Variants in DENND2B observed in about 807,000 individuals in gnomAD.
DENND2B encodes the protein DENN domain-containing protein 2B.
A neutral mutation model predicts 116.0 loss-of-function variants in DENND2B; 32 were observed. The observed-to-expected ratio is 0.28, with a 90% CI of 0.21 to 0.37. The LOEUF is 0.37. DENND2B is among the 10% of genes least tolerant of loss of function. DENND2B has a pLI of 1.00. For missense variants in DENND2B, 1,276 were observed against 1,477.7 expected (o/e 0.86, Z 2.24); for synonymous variants, 588 against 583.9 (o/e 1.01, Z -0.10).
chr11:8,715,150 G>A (rs1565691011), intron 6 of DENND2B, among the ~76,000 whole-genome samples: 1 of 152,214 alleles, frequency 6.6e-6, no homozygotes, highest in Non-Finnish European at 1.5e-5. Flanking sequence ...AGCATTGTTT[G>A]CAGGTTAAAA....
At chr11:8,865,632 C>A (rs1162606119) in intron 2 of DENND2B, among the ~76,000 whole-genome samples, 2 of 151,280 alleles carry the variant, frequency 1.3e-5, no homozygotes, top group Non-Finnish European at 2.9e-5. Context: ...TGAAGAGGGA[C>A]AGGAAAACAG....
chr11:8,725,822 G>T (rs1409217172), intron 4 of DENND2B, among the ~76,000 whole-genome samples: 3 of 152,192 alleles, frequency 2.0e-5, no homozygotes, highest in African/African-American at 7.2e-5. Flanking sequence ...GGAAAGGAAT[G>T]ATGTTGTTTT....
chr11:8,774,141 T>TAGAA (rs1314083259), intron 1 of DENND2B: 2 of 985,366 alleles, frequency 2.0e-6, no homozygotes, highest in Non-Finnish European at 2.4e-6. Context: ...AAGTGCTTTC[T>TAGAA]TTCTGGGCAG....
At chr11:8,896,539 T>C (rs2064104110) in intron 1 of DENND2B, among the ~76,000 whole-genome samples, 1 of 152,206 alleles carries the variant, frequency 6.6e-6, no homozygotes, top group Non-Finnish European at 1.5e-5. Context: ...AAAGCCGCAA[T>C]AAAACTGTAC....
Position 8,702,679 on chromosome 11 carries a change from G to C in DENND2B, c.2613C>G (p.His871Gln). ...LRRPMDSRLE[H>Q]VDFECLFTCL... is the part of the protein sequence containing the mutation. ...AGGTAAAAAGGCACTCAAAGTCCAC[G>C]TGCTCCAGCCTTGAGTCCATGGGCC... is the stretch of plus-strand genomic sequence containing the variant. The change falls in exon 14 of 20, where the codon CAC (histidine) becomes CAG (glutamine). Residue 871 changes from histidine (H) to glutamine (Q), a missense_variant. Coordinates refer to ENST00000313726, the MANE Select transcript of DENND2B (RefSeq NM_213618.2). The surrounding 1 kb of genome is among the most constrained non-coding windows in gnomAD (Gnocchi z 4.6). 1 of 1,613,930 alleles carries C rather than the reference G, an allele frequency of 6.2e-7. No individual in the cohort carries two copies. Among genetic ancestry groups the C allele is most frequent in the Non-Finnish European group, 8.5e-7 (1 of 1,180,024 alleles).
At chr11:8,748,232 A>G (rs1307985433) in intron 2 of DENND2B, among the ~76,000 whole-genome samples, 4 of 152,182 alleles carry the variant, frequency 2.6e-5, no homozygotes, top group African/African-American at 9.7e-5. Context: ...TGTGCTGGCA[A>G]TGATAAAAGG....
At chr11:8,754,912 T>C (rs1256986906) in intron 1 of DENND2B, among the ~76,000 whole-genome samples, 1 of 152,204 alleles carries the variant, frequency 6.6e-6, no homozygotes, top group Non-Finnish European at 1.5e-5. Context: ...GGGTTTCTTT[T>C]TGGGGTGACA....
chr11:8,859,463 G>A (rs886797049), intron 2 of DENND2B, among the ~76,000 whole-genome samples: 23 of 151,330 alleles, frequency 1.5e-4, no homozygotes, highest in Admixed American at 5.9e-4. Context: ...GCCCGCCATC[G>A]CGCCCGGCTA....
chr11:8,798,962 G>A (rs1181781501), intron 1 of DENND2B, among the ~76,000 whole-genome samples: 2 of 151,854 alleles, frequency 1.3e-5, no homozygotes, highest in Admixed American at 1.3e-4. Flanking sequence ...CAAGTAGCTG[G>A]GATTACAGGC....
intron 3 of DENND2B, among the ~76,000 whole-genome samples, chr11:8,841,377 G>A (rs1394121954): frequency 4.6e-5 from 7 of 152,098 alleles, no homozygotes; most frequent in African/African-American, 1.2e-4. Context: ...GGTGCCTCAC[G>A]CCTGTAATCC....
chr11:8,710,810 G>GC, intron 11 of DENND2B, 35 bp downstream of exon 11: 1 of 1,580,510 alleles, frequency 6.3e-7, no homozygotes, highest in Non-Finnish European at 8.7e-7. Context: ...CCTATCCCCT[G>GC]CCTGCTGGCC....
chr11:8,868,205 A>G (rs151291427), intron 2 of DENND2B, among the ~76,000 whole-genome samples: 1 of 152,334 alleles, frequency 6.6e-6, no homozygotes, highest in Non-Finnish European at 1.5e-5. Flanking sequence ...AGGGTACAGT[A>G]AGTGAGACAG....
chr11:8,808,690 G>C (rs755554163), intron 1 of DENND2B: 1 of 152,174 alleles, frequency 6.6e-6, no homozygotes, highest in African/African-American at 2.4e-5. Context: ...AACACGGTTC[G>C]TTAGATAGGA....
chr11:8,830,047 C>T (rs2062143460), intron 4 of DENND2B, among the ~76,000 whole-genome samples: 1 of 152,196 alleles, frequency 6.6e-6, no homozygotes, highest in Non-Finnish European at 1.5e-5. Context: ...TCTCCTGTTG[C>T]TGACCTGCCA....
intron 4 of DENND2B, among the ~76,000 whole-genome samples, chr11:8,817,968 A>G (rs1215244339): frequency 2.0e-5 from 3 of 151,422 alleles, no homozygotes; most frequent in African/African-American, 7.3e-5. Context: ...ACCCTTCTAA[A>G]ATAGGCTTTC....
At chr11:8,697,681 G>C in intron 16 of DENND2B, 45 bp from the exon 17 acceptor site, 1 of 1,318,398 alleles carries the variant, frequency 7.6e-7, no homozygotes. Context: ...CTGACACTGA[G>C]CACTTACTAT....
chr11:8,816,185 G>A (rs930792335), intron 4 of DENND2B, among the ~76,000 whole-genome samples: 2 of 152,158 alleles, frequency 1.3e-5, no homozygotes, highest in Non-Finnish European at 2.9e-5. Context: ...GGGAAGCCTA[G>A]TTTCTAATGC....
Position 8,699,199 on chromosome 11 carries a change from C to T in DENND2B, c.2898+14G>A, listed in dbSNP as rs1390705530. On this transcript the variant is annotated intron_variant, in intron 15 of 19. Coordinates refer to ENST00000313726, the MANE Select transcript of DENND2B (RefSeq NM_213618.2). ...CTCCACCCTTCCCCCCAGCTGGTTCCCCCGGTGGCCCACCTCCTCCACAGG... is the reference window on the plus strand; with the variant it reads ...CTCCACCCTTCCCCCCAGCTGGTTCTCCCGGTGGCCCACCTCCTCCACAGG... 5.2e-6 allele frequency: 8 copies of T among 1,546,330 alleles called. No homozygotes were observed. The highest frequency in any genetic ancestry group is 1.3e-5 in the South Asian group (1 of 79,488).
intron 1 of DENND2B, among the ~76,000 whole-genome samples, chr11:8,780,513 G>C (rs573603108): frequency 1.3e-5 from 2 of 152,286 alleles, no homozygotes; most frequent in Admixed American, 1.3e-4. Context: ...ACATGCACAA[G>C]GGCTTGGAAG....
Sources: gnomAD v4.1 joint callset for allele counts (sites outside exome capture counted in the v4.1 genomes callset) on GRCh38, gnomAD v4.1.1 for gene constraint, Gnocchi (gnomAD v3.1) non-coding constraint, MANE v1.5 for transcripts, NCBI Gene and HGNC (gene_info 2026-07-23, HGNC 2026-07-21) for gene names.